Variants in CCDC171 observed in about 807,000 individuals in gnomAD.
CCDC171 encodes the protein coiled-coil domain containing 171, also known as coiled-coil domain-containing protein 171.
A neutral mutation model predicts 168.2 loss-of-function variants in CCDC171; 177 were observed. The ratio of observed to expected loss-of-function variants is 1.05; its 90% confidence interval spans 0.93 to 1.19. CCDC171 has a LOEUF of 1.19. Ranked by LOEUF, CCDC171 falls within the 50% of genes most tolerant of loss-of-function variation. The pLI is 0.00. For missense variants in CCDC171, 1,991 were observed against 1,539.0 expected (o/e 1.29, Z -4.91); for synonymous variants, 687 against 540.8 (o/e 1.27, Z -3.75).
chr9:15,720,573 TATG>T (rs1433717300), intron 11 of CCDC171, among the ~76,000 whole-genome samples: 2 of 152,176 alleles, frequency 1.3e-5, no homozygotes, highest in African/African-American at 2.4e-5. Context: ...TATTATAAAA[TATG>T]ATGAGAAGAA....
chr9:15,628,871 A>G (rs1288985618), intron 7 of CCDC171, among the ~76,000 whole-genome samples: 1 of 152,206 alleles, frequency 6.6e-6, no homozygotes, highest in African/African-American at 2.4e-5. Context: ...TTAACGGTTC[A>G]CGAAAATCCG....
chr9:15,697,682 C>A (rs2051321210), intron 11 of CCDC171, among the ~76,000 whole-genome samples: 1 of 152,108 alleles, frequency 6.6e-6, no homozygotes, highest in South Asian at 2.1e-4. Flanking sequence ...AATCCACATA[C>A]CTTAATTAAA....
intron 15 of CCDC171, among the ~76,000 whole-genome samples, chr9:15,729,161 A>G (rs2054001688): frequency 6.6e-6 from 1 of 152,158 alleles, no homozygotes; most frequent in Admixed American, 6.6e-5. Flanking sequence ...ATTTTAGAAA[A>G]TGAGGATTTT....
chr9:15,611,511 C>G lies in CCDC171; in HGVS notation c.676-11756C>G, dbSNP rs146966751. Among the ~76,000 whole-genome samples, 213 of 152,292 alleles carry G rather than the reference C, an allele frequency of 1.4e-3. 1 individual carries two copies. Among genetic ancestry groups the G allele is most frequent in the African/African-American group, 4.4e-3 (182 of 41,560 alleles). On this transcript the variant is annotated intron_variant, in intron 6 of 25. Coordinates refer to ENST00000380701, the MANE Select transcript of CCDC171 (RefSeq NM_173550.4). ...TTTCCCTAGAAAGAAATCTTTCCGT[C>G]TCCTCCTTATATTGCTATGAGTGTA...
chr9:15,733,203 C>T (rs182447080), intron 16 of CCDC171, among the ~76,000 whole-genome samples: 5 of 151,954 alleles, frequency 3.3e-5, no homozygotes, highest in South Asian at 2.1e-4. Context: ...ATTTACATAC[C>T]GGAGGTTCAG....
chr9:15,789,151 T>A (rs1213369657), intron 21 of CCDC171, among the ~76,000 whole-genome samples: 1 of 152,144 alleles, frequency 6.6e-6, no homozygotes, highest in Admixed American at 6.6e-5. Flanking sequence ...AAATCCAAAA[T>A]GCTCTAAAAT....
At chr9:15,633,525 C>T (rs1430679915) in intron 7 of CCDC171, among the ~76,000 whole-genome samples, 5 of 152,148 alleles carry the variant, frequency 3.3e-5, no homozygotes, top group South Asian at 2.1e-4. Flanking sequence ...CAGGAAACAA[C>T]AGGTGCTGGA....
chr9:15,875,289 C>A (rs560099721), intron 24 of CCDC171: 3 of 151,914 alleles, frequency 2.0e-5, no homozygotes, highest in African/African-American at 7.2e-5. Context: ...ACTCAAATAA[C>A]TTTAAAGTAC....
chr9:15,590,839 CTTTCTTTCTTTCTTTTTTCTTTCT>C (rs2041957331), intron 4 of CCDC171, among the ~76,000 whole-genome samples: 1 of 91,050 alleles, frequency 1.1e-5, no homozygotes, highest in Non-Finnish European at 2.3e-5. Flanking sequence ...CTTTCTTCTT[CTTTCTTTCTTTCTTTTTTCTTTCT>C]TTCTTTCTCT....
intron 24 of CCDC171, among the ~76,000 whole-genome samples, chr9:15,888,670 A>G (rs554822340): frequency 6.6e-6 from 1 of 152,260 alleles, no homozygotes; most frequent in Non-Finnish European, 1.5e-5. Context: ...CTAGTAAAAT[A>G]TGACCCTATA....
At chr9:15,997,384 C>T (rs1040113588) in intron 3 of CCDC171, among the ~76,000 whole-genome samples, 2 of 152,182 alleles carry the variant, frequency 1.3e-5, no homozygotes, top group Non-Finnish European at 1.5e-5. Context: ...TTGTAGATCC[C>T]AAAGTTGCTG....
At chr9:15,782,069 A>G (rs2057695557) in intron 20 of CCDC171, among the ~76,000 whole-genome samples, 2 of 152,214 alleles carry the variant, frequency 1.3e-5, no homozygotes, top group African/African-American at 4.8e-5. Context: ...TATTAAAAAC[A>G]TAATAGATGA....
chr9:15,657,288 A>C, intron 8 of CCDC171, 69 bp downstream of exon 8: 1 of 896,048 alleles, frequency 1.1e-6, no homozygotes, highest in South Asian at 1.4e-5. Flanking sequence ...GAAAAACAGC[A>C]CTGTGTTCAG....
chr9:15,832,829 A>G (rs1217446591), intron 21 of CCDC171, among the ~76,000 whole-genome samples: 1 of 152,144 alleles, frequency 6.6e-6, no homozygotes, highest in East Asian at 1.9e-4. Flanking sequence ...ATTCTTATTC[A>G]GTAAGTGTTT....
intron 10 of CCDC171, among the ~76,000 whole-genome samples, chr9:15,687,397 G>C (rs1260996151): frequency 6.7e-6 from 1 of 149,700 alleles, no homozygotes; most frequent in Non-Finnish European, 1.5e-5. Context: ...TTTGAGGTCA[G>C]CCTGGGCAAC....
chr9:15,631,116 A>G (rs2045649853), intron 7 of CCDC171, among the ~76,000 whole-genome samples: 1 of 152,160 alleles, frequency 6.6e-6, no homozygotes, highest in African/African-American at 2.4e-5. Context: ...AAAGAACTAG[A>G]GAAGCAAGAG....
At chr9:16,091,639 C>T in the CCDC171 span, among the ~76,000 whole-genome samples, 3 of 152,156 alleles carry the variant, frequency 2.0e-5, no homozygotes, top group Non-Finnish European at 4.4e-5. Flanking sequence ...CCCTGAAAGG[C>T]TCAGATTCAA....
intron 25 of CCDC171, among the ~76,000 whole-genome samples, chr9:15,936,014 T>C (rs1291560310): frequency 6.6e-6 from 1 of 152,062 alleles, no homozygotes; most frequent in Non-Finnish European, 1.5e-5. Flanking sequence ...TTTAGCTGTT[T>C]GAAAGTCATC....
chr9:15,742,485 C>A (rs1008369941), intron 16 of CCDC171, among the ~76,000 whole-genome samples: 4 of 152,184 alleles, frequency 2.6e-5, no homozygotes, highest in African/African-American at 9.7e-5. Flanking sequence ...AGCCAAGTGT[C>A]AAGTTTTATT....
Sources: gnomAD v4.1 joint callset for allele counts (sites outside exome capture counted in the v4.1 genomes callset) on GRCh38, gnomAD v4.1.1 for gene constraint, MANE v1.5 for transcripts, NCBI Gene and HGNC (gene_info 2026-07-23, HGNC 2026-07-21) for gene names.